Variants in DGKB observed in about 807,000 individuals in gnomAD.
The protein encoded by DGKB is 90 kDa diacylglycerol kinase.
Under a neutral mutation model 114.3 loss-of-function variants are expected in DGKB, and 67 were observed. That is an observed-to-expected ratio of 0.59 (90% CI 0.48 to 0.72). The LOEUF (loss-of-function observed/expected upper bound fraction) is 0.72. Ranked by LOEUF, DGKB falls within the 30% of genes least tolerant of loss-of-function variation. DGKB has a pLI of 0.00. For missense variants in DGKB, 907 were observed against 975.2 expected (o/e 0.93, Z 0.93); for synonymous variants, 398 against 323.1 (o/e 1.23, Z -2.49).
intron 4 of DGKB, among the ~76,000 whole-genome samples, chr7:14,747,516 T>C (rs1380818790): frequency 1.3e-5 from 2 of 152,172 alleles, no homozygotes; most frequent in African/African-American, 4.8e-5. Context: ...TATTAGACAT[T>C]TCTGATAAAT....
At chr7:14,333,389 A>G (rs1810074881) in intron 23 of DGKB, among the ~76,000 whole-genome samples, 1 of 144,970 alleles carries the variant, frequency 6.9e-6, no homozygotes. Flanking sequence ...TGAACCCGGG[A>G]GGTGGAGCTT....
chr7:14,501,494 T>A (rs1184579945), intron 20 of DGKB, among the ~76,000 whole-genome samples: 2 of 151,908 alleles, frequency 1.3e-5, no homozygotes, highest in Non-Finnish European at 2.9e-5. Context: ...ACCTCCAACC[T>A]ACTGTGAGAA....
At chr7:14,570,497 C>G (rs772292420) in intron 20 of DGKB, among the ~76,000 whole-genome samples, 1 of 152,038 alleles carries the variant, frequency 6.6e-6, no homozygotes, top group African/African-American at 2.4e-5. Flanking sequence ...ACAACTAATA[C>G]TCTACTGTTG....
chr7:14,438,925 C>CTTT (rs34283340), intron 21 of DGKB, among the ~76,000 whole-genome samples: 1,799 of 146,996 alleles, frequency 0.012, 27 homozygotes, highest in African/African-American at 0.034. Context: ...ATTTCTAAGA[C>CTTT]TTTTTTTTTT....
At chr7:14,403,996 C>T (rs1345293028) in intron 21 of DGKB, among the ~76,000 whole-genome samples, 1 of 151,698 alleles carries the variant, frequency 6.6e-6, no homozygotes, top group Admixed American at 6.6e-5. Context: ...CTTAGCAAAA[C>T]AGAAGTAAAA....
At chr7:14,564,670 C>A (rs939531461) in intron 20 of DGKB, among the ~76,000 whole-genome samples, 2 of 152,128 alleles carry the variant, frequency 1.3e-5, no homozygotes, top group Non-Finnish European at 2.9e-5. Flanking sequence ...GATGCATCTT[C>A]ACTGGCCCAA....
chr7:14,942,066 A>T (rs913964475), intron 1 of DGKB, among the ~76,000 whole-genome samples: 5 of 151,960 alleles, frequency 3.3e-5, no homozygotes, highest in Admixed American at 2.0e-4. Context: ...TGTCCACTCA[A>T]CCACTATTTT....
chr7:14,309,215 CAAAAG>C (rs1804970654), intron 23 of DGKB, among the ~76,000 whole-genome samples: 1 of 150,772 alleles, frequency 6.6e-6, no homozygotes, highest in Admixed American at 6.6e-5. Context: ...GACCCTGTCT[CAAAAG>C]AAAAAAAAAG....
intron 1 of DGKB, among the ~76,000 whole-genome samples, chr7:14,878,312 A>G (rs1422687404): frequency 6.6e-6 from 1 of 152,214 alleles, no homozygotes; most frequent in African/African-American, 2.4e-5. Flanking sequence ...TCTCTTTTGC[A>G]ATTGTTCTAA....
intron 23 of DGKB, among the ~76,000 whole-genome samples, chr7:14,262,455 G>A (rs1169087171): frequency 6.6e-6 from 1 of 152,176 alleles, no homozygotes; most frequent in East Asian, 1.9e-4. Context: ...CTGAGTGAGA[G>A]TGAGAGCACA....
intron 2 of DGKB, among the ~76,000 whole-genome samples, chr7:14,819,450 C>T (rs552582206): frequency 1.3e-5 from 2 of 152,076 alleles, no homozygotes; most frequent in African/African-American, 2.4e-5. Flanking sequence ...ATTGGCCAGT[C>T]ATGGTGGCCT....
At chr7:14,419,076 T>A (rs879345491) in intron 21 of DGKB, among the ~76,000 whole-genome samples, 8 of 151,926 alleles carry the variant, frequency 5.3e-5, no homozygotes, top group Non-Finnish European at 1.2e-4. Flanking sequence ...AGGAGAATAA[T>A]AGAATCCTTA....
chr7:14,807,268 T>C (rs1169612520), intron 2 of DGKB, among the ~76,000 whole-genome samples: 3 of 152,060 alleles, frequency 2.0e-5, no homozygotes, highest in African/African-American at 7.2e-5. Context: ...TACTATATTT[T>C]AGGTTTCTTG....
chr7:14,646,646 C>T (rs73053245), intron 13 of DGKB, among the ~76,000 whole-genome samples: 13,097 of 151,966 alleles, frequency 0.086, 1,054 homozygotes, highest in East Asian at 0.49. Context: ...AGCATCTTCT[C>T]AGAACACAAT....
Position 14,750,803 on chromosome 7 carries a change from T to C in DGKB, c.168+3125A>G, listed in dbSNP as rs1468445888. Among the ~76,000 whole-genome samples the C allele has an allele frequency of 4.2e-4, 56 of 132,008 alleles. 1 individual carries two copies. Among genetic ancestry groups the C allele is most frequent in the African/African-American group, 1.7e-3 (52 of 31,324 alleles). The allele number at this position is 132,008 out of a possible 152,430, so 86.6% of individuals were successfully genotyped here. ...AAGCTATTTCTATTTCTTTTTTTTT[T>C]TTTTTTTTTTTTTCTGAGACAGAGT... On this transcript the variant is annotated intron_variant, in intron 4 of 25. Coordinates refer to ENST00000402815, the MANE Select transcript of DGKB (RefSeq NM_001350709.2).
intron 10 of DGKB, among the ~76,000 whole-genome samples, chr7:14,683,389 T>C (rs530017896): frequency 6.6e-6 from 1 of 152,318 alleles, no homozygotes; most frequent in Admixed American, 6.5e-5. Flanking sequence ...ATGGCATCGT[T>C]TGTCCAAAAG....
chr7:14,255,142 TTA>T (rs1795778555), intron 23 of DGKB, among the ~76,000 whole-genome samples: 1 of 152,226 alleles, frequency 6.6e-6, no homozygotes. Flanking sequence ...AGCAACTTTC[TTA>T]AAACTGTTCT....
rs1411273001 is a variant in DGKB, at chr7:14,580,916, T to C, written c.1555A>G (p.Ile519Val). Reference sequence around the variant, plus strand: ...TCATTGCCAGTCCCAAGAGGCAGAATCGCAACTGGAGGATGCTTGCCTACA... The same window carrying C: ...TCATTGCCAGTCCCAAGAGGCAGAACCGCAACTGGAGGATGCTTGCCTACA... ...ANVGKHPPVA[I>V]LPLGTGNDLA... The change falls in exon 19 of 26, where the codon ATT becomes GTT. Residue 519 changes from isoleucine (I) to valine (V), a missense_variant. Around this residue, in one of 3 missense-constraint regions of DGKB, gnomAD observed 814 missense variants for 856.6 expected, o/e 0.95. Coordinates refer to ENST00000402815, the MANE Select transcript of DGKB (RefSeq NM_001350709.2). The C allele has an allele frequency of 6.2e-7, 1 of 1,605,696 alleles. No homozygotes were observed.
At chr7:14,719,805 A>G (rs1828840977) in intron 5 of DGKB, among the ~76,000 whole-genome samples, 1 of 152,202 alleles carries the variant, frequency 6.6e-6, no homozygotes, top group South Asian at 2.1e-4. Context: ...TGTTGTCACT[A>G]ATAAAGGGAA....
Sources: allele counts gnomAD v4.1 joint callset (sites outside exome capture counted in the v4.1 genomes callset), GRCh38; gene constraint gnomAD v4.1.1; regional missense constraint gnomAD v4.1.1; transcripts MANE v1.5; gene names NCBI Gene and HGNC (gene_info 2026-07-23, HGNC 2026-07-21).